TLE1: variants seen among roughly 807,000 people sequenced by gnomAD.
TLE1 encodes transducin-like enhancer protein 1.
Under a neutral mutation model 89.8 loss-of-function variants are expected in TLE1, and 21 were observed. The ratio of observed to expected loss-of-function variants is 0.23; its 90% CI spans 0.17 to 0.34. TLE1 has a LOEUF of 0.34. TLE1 is among the 10% of genes least tolerant of loss of function. The probability of loss-of-function intolerance (pLI) is 1.00; values close to 1 mark genes in which losing one functional copy is unlikely to be tolerated. For missense variants in TLE1, 795 were observed against 1,031.2 expected, an observed-to-expected ratio of 0.77 and a Z score of 3.14; for synonymous variants, 447 against 407.6, an observed-to-expected ratio of 1.10 and a Z score of -1.16.
At chr9:81,604,025 A>G (rs1831306255) in intron 14 of TLE1, among the ~76,000 whole-genome samples, 1 of 152,134 alleles carries the variant, frequency 6.6e-6, no homozygotes. Flanking sequence ...AGAACAACAA[A>G]AAAAGGTGAT....
At chr9:81,593,390 T>C (rs1355616487) in intron 14 of TLE1, 116 bp from the exon 15 acceptor site, 3 of 1,342,440 alleles carry the variant, frequency 2.2e-6, no homozygotes, top group East Asian at 2.6e-5. Flanking sequence ...GATTCTCTTG[T>C]ATAGTTTCCT....
Position 81,647,587 on chromosome 9 carries a change from C to G in TLE1, c.372+4627G>C, listed in dbSNP as rs562664682. On this transcript the variant is annotated intron_variant, in intron 6 of 19. Transcript: ENST00000376499. ...CCACCACCAACCAGGACTTGACCAACTGGACCCACAGATCTGCTACAAGCA... is the reference window on the plus strand; with the variant it reads ...CCACCACCAACCAGGACTTGACCAAGTGGACCCACAGATCTGCTACAAGCA... Among the ~76,000 whole-genome samples the G allele has an allele frequency of 2.0e-5, 3 of 152,342 alleles. No individual in the cohort carries two copies. In the East Asian group the frequency reaches 5.8e-4, roughly 29 times the overall value.
At chr9:81,637,002 C>CAA (rs370837419) in intron 6 of TLE1, among the ~76,000 whole-genome samples, 31 of 78,818 alleles carry the variant, frequency 3.9e-4, no homozygotes, top group African/African-American at 1.2e-3. Flanking sequence ...GACTCCGTCT[C>CAA]AAAAAAAAAA....
intron 4 of TLE1, among the ~76,000 whole-genome samples, chr9:81,684,176 T>C (rs796370623): frequency 1.3e-5 from 2 of 149,818 alleles, no homozygotes; most frequent in Non-Finnish European, 3.0e-5. Flanking sequence ...TTAAACCGCC[T>C]AGGCCAAGTT....
At chr9:81,627,007 C>T (rs1825983391) in intron 8 of TLE1, among the ~76,000 whole-genome samples, 1 of 152,224 alleles carries the variant, frequency 6.6e-6, no homozygotes, top group South Asian at 2.1e-4. Context: ...AGCTGCTCAG[C>T]TGTTTCTGTG....
chr9:81,611,898 G>C lies in TLE1; in HGVS notation c.1125C>G (p.Val375=). The change falls in exon 13 of 20, where the codon GTC becomes GTG. Residue 375 remains valine (V), a synonymous_variant. Coordinates refer to ENST00000376499, the MANE Select transcript of TLE1 (RefSeq NM_005077.5). ...GCTCGCCGTTCATGCCAGCGTGGGG[G>C]ACCATCCCAAAAGGAGCAGGATATG... The part of the protein sequence containing the change: ...PGPYPAPFGM[V]PHAGMNGELT... 1 of 1,534,820 alleles carries C rather than the reference G, an allele frequency of 6.5e-7. No homozygotes were observed. The highest frequency in any genetic ancestry group is 8.7e-7 in the Non-Finnish European group (1 of 1,145,118).
At chr9:81,643,056 C>A (rs942993031) in intron 6 of TLE1, among the ~76,000 whole-genome samples, 2 of 152,088 alleles carry the variant, frequency 1.3e-5, no homozygotes, top group African/African-American at 4.8e-5. Context: ...AGTAGAATGG[C>A]GGCTGCCTTG....
chr9:81,627,049 T>C (rs1825990411), intron 8 of TLE1, among the ~76,000 whole-genome samples: 1 of 152,182 alleles, frequency 6.6e-6, no homozygotes, highest in Non-Finnish European at 1.5e-5. Context: ...GTTGAAATAC[T>C]TGCTAATGCA....
rs528291065 is a variant in TLE1, at chr9:81,640,287, ACATT to A, written c.373-5990_373-5987del. On this transcript the variant is annotated intron_variant, in intron 6 of 19. Transcript: ENST00000376499. ...GTTTAAAAAATAAAAATACTATTCAACATTCAATCACATTCACTGTCCTTTCATC... is the reference window on the plus strand; with the variant it reads ...GTTTAAAAAATAAAAATACTATTCAACAATCACATTCACTGTCCTTTCATC... 5.5e-3 allele frequency among the ~76,000 whole-genome samples: 839 copies of A among 152,230 alleles called. 14 individuals are homozygous for A. Among genetic ancestry groups the A allele is most frequent in the African/African-American group, 0.017 (701 of 41,518 alleles).
intron 4 of TLE1, among the ~76,000 whole-genome samples, chr9:81,656,660 C>A (rs1830182403): frequency 6.6e-6 from 1 of 152,168 alleles, no homozygotes; most frequent in Non-Finnish European, 1.5e-5. Context: ...CCGTTACATA[C>A]CCTGCCTTTC....
intron 6 of TLE1, among the ~76,000 whole-genome samples, chr9:81,643,170 T>TA: frequency 6.6e-6 from 1 of 152,228 alleles, no homozygotes; most frequent in Non-Finnish European, 1.5e-5. Flanking sequence ...GTGACTATAG[T>TA]TAATAATAAC....
At chr9:81,674,410 G>A (rs961225484) in intron 4 of TLE1, among the ~76,000 whole-genome samples, 3 of 152,166 alleles carry the variant, frequency 2.0e-5, no homozygotes, top group East Asian at 1.9e-4. Context: ...GAAGGCCACA[G>A]CATTGAAGGG....
intron 4 of TLE1, among the ~76,000 whole-genome samples, chr9:81,678,798 C>T (rs1833227103): frequency 6.6e-6 from 1 of 151,594 alleles, no homozygotes; most frequent in Admixed American, 6.6e-5. Flanking sequence ...CGAGATCGAG[C>T]CACTGCACTC....
intron 4 of TLE1, among the ~76,000 whole-genome samples, chr9:81,656,138 T>C (rs1261229498): frequency 6.6e-6 from 1 of 152,016 alleles, no homozygotes; most frequent in African/African-American, 2.4e-5. Context: ...GAGGCAGATA[T>C]ATGCAAAAAG....
At chr9:81,627,946 C>A (rs373840062) in intron 8 of TLE1, among the ~76,000 whole-genome samples, 1 of 152,072 alleles carries the variant, frequency 6.6e-6, no homozygotes, top group South Asian at 2.1e-4. Context: ...AGGCTGGGTG[C>A]GGTGGCTCAC....
intron 4 of TLE1, among the ~76,000 whole-genome samples, chr9:81,682,102 A>T (rs1480116251): frequency 6.6e-6 from 1 of 152,012 alleles, no homozygotes; most frequent in East Asian, 1.9e-4. Flanking sequence ...AAGAAAAAAA[A>T]AGTTAGCCGG....
intron 6 of TLE1, among the ~76,000 whole-genome samples, chr9:81,647,240 C>CTTTTA (rs1828969051): frequency 7.9e-5 from 12 of 152,146 alleles, no homozygotes; most frequent in Admixed American, 5.2e-4. Context: ...CTCTCTCTTC[C>CTTTTA]CTCCCAATTT....
In TLE1 at chr9:81,688,405, G is replaced by A. The variant is rs1834656418; in HGVS notation, c.-165C>T. 5.6e-6 allele frequency: 4 copies of A among 715,610 alleles called. No homozygotes were observed. Among genetic ancestry groups the A allele is most frequent in the Non-Finnish European group, 8.4e-6 (4 of 476,094 alleles). The allele number at this position is 715,610 out of a possible 1,614,324, so 44.3% of individuals were successfully genotyped here. On this transcript the variant is annotated 5_prime_UTR_variant, in exon 1 of 20. Coordinates refer to ENST00000376499, the MANE Select transcript of TLE1 (RefSeq NM_005077.5). ...CGGGCGCACCGGCCACTCGGCGCCC[G>A]CAGCTGCTCCGGCTCCCGCTCCCGT... is the stretch of plus-strand genomic sequence containing the variant.
In TLE1 at chr9:81,688,533, G is replaced by A. The variant is rs1834670225; in HGVS notation, c.-293C>T. 2 of 339,590 alleles carry A rather than the reference G, an allele frequency of 5.9e-6. No homozygotes were observed. The highest frequency in any genetic ancestry group is 1.6e-3 in the Middle Eastern group (2 of 1,258). The allele number at this position is 339,590 out of a possible 1,614,324, so 21.0% of individuals were successfully genotyped here. A position where few individuals can be genotyped will look rare whatever the true frequency, so the allele number is the denominator to read the frequency against. ...TCGGGCGCTCGGGGACTGTGCGCGG[G>A]GGCAGCGCTCCAACCCCCGGCCTCA... On this transcript the variant is annotated 5_prime_UTR_variant, in exon 1 of 20. Coordinates refer to ENST00000376499, the MANE Select transcript of TLE1 (RefSeq NM_005077.5).
Sources: allele counts gnomAD v4.1 joint callset (sites outside exome capture counted in the v4.1 genomes callset), GRCh38; gene constraint gnomAD v4.1.1; transcripts MANE v1.5; gene names NCBI Gene and HGNC (gene_info 2026-07-23, HGNC 2026-07-21).